SRRM4: variants seen among roughly 807,000 people sequenced by gnomAD.
SRRM4 encodes serine/arginine repetitive matrix 4.
SRRM4 carries 33 observed loss-of-function variants against 68.9 expected under a neutral mutation model. The observed-to-expected ratio is 0.48, with a 90% CI of 0.36 to 0.64. The LOEUF is 0.64. SRRM4 is among the 30% of genes least tolerant of loss of function. SRRM4 has a pLI of 0.00. For missense variants in SRRM4, 817 were observed against 827.1 expected (o/e 0.99, Z 0.15); for synonymous variants, 318 against 318.8 (o/e 1.00, Z 0.03).
intron 1 of SRRM4, among the ~76,000 whole-genome samples, chr12:119,042,567 G>C (rs1043847605): frequency 6.6e-6 from 1 of 151,526 alleles, no homozygotes; most frequent in African/African-American, 2.4e-5. Context: ...GAGAGGAAGA[G>C]GGGGTGGTAG....
chr12:118,995,336 C>T (rs950594890), intron 1 of SRRM4, among the ~76,000 whole-genome samples: 5 of 152,182 alleles, frequency 3.3e-5, no homozygotes, highest in Non-Finnish European at 5.9e-5. Flanking sequence ...CTAACTCTCA[C>T]TAACTCTTAT....
intron 1 of SRRM4, among the ~76,000 whole-genome samples, chr12:119,096,970 A>G (rs1432689477): frequency 6.6e-6 from 1 of 152,168 alleles, no homozygotes; most frequent in Non-Finnish European, 1.5e-5. Context: ...CAGAGACAGC[A>G]TCTAAGCTCC....
chr12:119,013,214 G>A (rs1435522261), intron 1 of SRRM4, among the ~76,000 whole-genome samples: 1 of 152,026 alleles, frequency 6.6e-6, no homozygotes, highest in Non-Finnish European at 1.5e-5. Context: ...CCCTCCTGTA[G>A]CATAAAGAAT....
intron 2 of SRRM4, among the ~76,000 whole-genome samples, chr12:119,104,228 A>T (rs1330155940): frequency 6.6e-6 from 1 of 152,108 alleles, no homozygotes; most frequent in East Asian, 1.9e-4. Context: ...GAGCAGAGGA[A>T]ATCCTAAGAT....
chr12:119,021,547 C>T (rs896588279), intron 1 of SRRM4, among the ~76,000 whole-genome samples: 1 of 152,150 alleles, frequency 6.6e-6, no homozygotes, highest in Non-Finnish European at 1.5e-5. Context: ...CACCAACTAC[C>T]CCCAGTGGTC....
At chr12:119,031,929 T>G (rs367937712) in intron 1 of SRRM4, among the ~76,000 whole-genome samples, 1 of 152,218 alleles carries the variant, frequency 6.6e-6, no homozygotes, top group Non-Finnish European at 1.5e-5. Context: ...AAATATTTAA[T>G]TTTTAAATGG....
intron 1 of SRRM4, among the ~76,000 whole-genome samples, chr12:119,035,413 A>G (rs1198799236): frequency 1.3e-5 from 2 of 152,132 alleles, no homozygotes; most frequent in Non-Finnish European, 2.9e-5. Flanking sequence ...TAGTAGGTGC[A>G]TTTAGTTTGC....
At chr12:119,018,572 T>TGTA (rs1272632652) in intron 1 of SRRM4, among the ~76,000 whole-genome samples, 7 of 152,118 alleles carry the variant, frequency 4.6e-5, no homozygotes, top group Admixed American at 3.3e-4. Context: ...AGTGTTAGGA[T>TGTA]GTAGTATGAG....
At chr12:119,026,067 G>A (rs1953546569) in intron 1 of SRRM4, among the ~76,000 whole-genome samples, 1 of 151,904 alleles carries the variant, frequency 6.6e-6, no homozygotes, top group African/African-American at 2.4e-5. Flanking sequence ...AGGTCCTGGT[G>A]CCCTCTGTGG....
intron 7 of SRRM4, among the ~76,000 whole-genome samples, chr12:119,128,666 C>T (rs543158675): frequency 3.3e-5 from 5 of 152,126 alleles, no homozygotes; most frequent in South Asian, 2.1e-4. Context: ...GGGATCTGAG[C>T]GAGGTCACAT....
chr12:118,992,798 C>T (rs1297206059), intron 1 of SRRM4, among the ~76,000 whole-genome samples: 1 of 152,140 alleles, frequency 6.6e-6, no homozygotes, highest in African/African-American at 2.4e-5. Context: ...GACTGAGGCA[C>T]AGAAAGAGCA....
At chr12:119,084,153 G>C (rs1185407136) in intron 1 of SRRM4, among the ~76,000 whole-genome samples, 1 of 152,192 alleles carries the variant, frequency 6.6e-6, no homozygotes, top group African/African-American at 2.4e-5. Flanking sequence ...GGCACAGCTG[G>C]AATTTGAACC....
chr12:118,992,340 C>T (rs1376577020), intron 1 of SRRM4: 12 of 152,222 alleles, frequency 7.9e-5, no homozygotes, highest in African/African-American at 2.9e-4. Flanking sequence ...CATCCCGCCC[C>T]CTCAGGGTCT....
intron 1 of SRRM4, among the ~76,000 whole-genome samples, chr12:118,999,254 G>C (rs1953368686): frequency 6.6e-6 from 1 of 152,122 alleles, no homozygotes; most frequent in South Asian, 2.1e-4. Flanking sequence ...GCTATTTCTG[G>C]CCGTGTGTTC....
chr12:119,100,090 C>T (rs1346858926), intron 1 of SRRM4, among the ~76,000 whole-genome samples: 2 of 152,186 alleles, frequency 1.3e-5, no homozygotes, highest in East Asian at 3.9e-4. Flanking sequence ...TTCAAGTCTC[C>T]ACTCCCTTGT....
chr12:119,044,276 C>G (rs890476561), intron 1 of SRRM4, among the ~76,000 whole-genome samples: 2 of 152,222 alleles, frequency 1.3e-5, no homozygotes, highest in Admixed American at 6.5e-5. Flanking sequence ...CCTCCCCAAG[C>G]CTTCTGGTGA....
At chr12:119,150,911 G>C (rs1040613136) in intron 9 of SRRM4, 106 bp from the exon 10 acceptor site, 5 of 983,438 alleles carry the variant, frequency 5.1e-6, no homozygotes, top group African/African-American at 4.8e-5. Flanking sequence ...GGGCAAAGAG[G>C]GTTCTATGAG....
chr12:119,154,510 C>T lies in SRRM4; in HGVS notation c.1532+127C>T, dbSNP rs1411720475. 1 of 1,006,946 alleles carries T rather than the reference C, an allele frequency of 9.9e-7. No homozygotes were observed. The allele number at this position is 1,006,946 out of a possible 1,614,324, so 62.4% of individuals were successfully genotyped here. On this transcript the variant is annotated intron_variant, in intron 12 of 12. Coordinates refer to ENST00000267260, the MANE Select transcript of SRRM4 (RefSeq NM_194286.4). The surrounding 1 kb of genome is among the most constrained non-coding windows in gnomAD (Gnocchi z 4.7). Reference sequence around the variant, plus strand: ...ATTTAGGATTGTGCGAGCTTATGGTCCCCCCAACCCCAACATCATTGAAAT... The same window carrying T: ...ATTTAGGATTGTGCGAGCTTATGGTTCCCCCAACCCCAACATCATTGAAAT...
At chr12:119,064,951 C>A (rs977893604) in intron 1 of SRRM4, among the ~76,000 whole-genome samples, 3 of 152,018 alleles carry the variant, frequency 2.0e-5, no homozygotes, top group African/African-American at 7.2e-5. Flanking sequence ...TCCTTAATTC[C>A]CCTGCTTTAC....
Sources: allele counts gnomAD v4.1 joint callset (sites outside exome capture counted in the v4.1 genomes callset), GRCh38; gene constraint gnomAD v4.1.1; non-coding constraint Gnocchi (gnomAD v3.1); transcripts MANE v1.5; gene names NCBI Gene and HGNC (gene_info 2026-07-23, HGNC 2026-07-21).